SH3GL1: variants seen among roughly 807,000 people sequenced by gnomAD.
SH3GL1 encodes the protein endophilin-A2.
In SH3GL1, 21 loss-of-function variants were observed where a neutral mutation model predicts 48.8. The ratio of observed to expected loss-of-function variants is 0.43; its 90% CI spans 0.30 to 0.62. SH3GL1 has a LOEUF of 0.62. Among genes scored for constraint, SH3GL1 ranks in the 20% least tolerant of loss-of-function variants. The pLI is 0.11. For synonymous variants in SH3GL1, 282 were observed against 217.5 expected, an observed-to-expected ratio of 1.30 and a Z score of -2.61; for missense variants, 454 against 503.0, an observed-to-expected ratio of 0.90 and a Z score of 0.93.
chr19:4,368,371 G>A (rs1025093639), intron 1 of SH3GL1, among the ~76,000 whole-genome samples: 7 of 152,224 alleles, frequency 4.6e-5, no homozygotes, highest in Non-Finnish European at 1.0e-4. Flanking sequence ...AGAAGCTTGA[G>A]CCTGGGGCTC....
At chr19:4,368,204 G>A (rs552357760) in intron 1 of SH3GL1, among the ~76,000 whole-genome samples, 3 of 152,314 alleles carry the variant, frequency 2.0e-5, no homozygotes, top group Non-Finnish European at 2.9e-5. Flanking sequence ...TGCCTGCCCC[G>A]AGCTGTCACA....
chr19:4,364,899 T>TGTGTGTGTGTGA (rs1491100481), intron 4 of SH3GL1, among the ~76,000 whole-genome samples: 1 of 104,382 alleles, frequency 9.6e-6, no homozygotes, highest in Non-Finnish European at 2.0e-5. Flanking sequence ...TGTGTGTGTG[T>TGTGTGTGTGTGA]ATATATATAT....
Position 4,363,704 on chromosome 19 carries a change from A to G in SH3GL1, c.624+16T>C. 6.2e-7 allele frequency: 1 copy of G among 1,612,250 alleles called. No individual in the cohort carries two copies. Among genetic ancestry groups the G allele is most frequent in the African/African-American group, 1.3e-5 (1 of 74,962 alleles). On this transcript the variant is annotated intron_variant, in intron 6 of 9. Coordinates refer to ENST00000269886, the MANE Select transcript of SH3GL1 (RefSeq NM_003025.4). ...GGCATAGGTCTTCTCAGGATGTGACACCCCGAGCTACTCACGTCAGTCTCC... is the reference window on the plus strand; with the variant it reads ...GGCATAGGTCTTCTCAGGATGTGACGCCCCGAGCTACTCACGTCAGTCTCC...
At chr19:4,368,941 G>A (rs1036263737) in intron 1 of SH3GL1, among the ~76,000 whole-genome samples, 8 of 152,116 alleles carry the variant, frequency 5.3e-5, no homozygotes, top group Non-Finnish European at 8.8e-5. Flanking sequence ...GCCTGATGGC[G>A]GGTGCCTGTA....
intron 2 of SH3GL1, 33 bp from the exon 3 acceptor site, chr19:4,366,606 G>A: frequency 6.3e-7 from 1 of 1,585,168 alleles, no homozygotes; most frequent in South Asian, 1.1e-5. Context: ...AGACTCCACA[G>A]CCAGTGGGGG....
rs949707160 is a variant in SH3GL1 at position 4,361,044 on chromosome 19, GAGA to G, written c.*553_*555del. The stretch of plus-strand genomic sequence containing the variant: ...TGAGGCCCTCTGCCCTGGCCTTGAG[GAGA>G]AGGAGTGCGTGTGTGAGGCGGGGGT... On this transcript the variant is annotated 3_prime_UTR_variant, in exon 10 of 10. Transcript: ENST00000269886. The G allele has an allele frequency of 2.8e-4, 65 of 234,448 alleles. No individual in the cohort carries two copies. Among genetic ancestry groups the G allele is most frequent in the East Asian group, 1.2e-4 (2 of 16,576 alleles). The allele number at this position is 234,448 out of a possible 1,614,324, so 14.5% of individuals were successfully genotyped here.
chr19:4,393,769 G>C (rs934015452), intron 1 of SH3GL1, among the ~76,000 whole-genome samples: 1 of 151,968 alleles, frequency 6.6e-6, no homozygotes, highest in Non-Finnish European at 1.5e-5. Context: ...CAGCCTGGGC[G>C]ACAGAGCTAG....
intron 1 of SH3GL1, among the ~76,000 whole-genome samples, chr19:4,372,950 G>T (rs1340880630): frequency 6.6e-6 from 1 of 152,222 alleles, no homozygotes; most frequent in African/African-American, 2.4e-5. Flanking sequence ...CAGGGGCGGC[G>T]CTGGCTGCAG....
intron 1 of SH3GL1, among the ~76,000 whole-genome samples, chr19:4,386,798 G>C (rs1973243886): frequency 6.6e-6 from 1 of 152,160 alleles, no homozygotes; most frequent in South Asian, 2.1e-4. Context: ...AGACTGCAGA[G>C]GGCATGGCGG....
At chr19:4,391,296 TCAA>T (rs1973333733) in intron 1 of SH3GL1, among the ~76,000 whole-genome samples, 1 of 152,108 alleles carries the variant, frequency 6.6e-6, no homozygotes, top group South Asian at 2.1e-4. Flanking sequence ...CCCAATTTCT[TCAA>T]CTGAGCGGCA....
chr19:4,366,439 T>A, intron 3 of SH3GL1, 62 bp downstream of exon 3: 1 of 1,344,066 alleles, frequency 7.4e-7, no homozygotes, highest in East Asian at 2.4e-5. Flanking sequence ...ATCCCCTGCC[T>A]TCCCTCTGAC....
At chr19:4,384,742 A>T (rs1177001175) in intron 1 of SH3GL1, among the ~76,000 whole-genome samples, 1 of 152,248 alleles carries the variant, frequency 6.6e-6, no homozygotes, top group Non-Finnish European at 1.5e-5. Context: ...AGGGAAAGCC[A>T]CGCAGCTGCG....
intron 2 of SH3GL1, 123 bp from the exon 3 acceptor site, chr19:4,366,696 A>G: frequency 1.0e-6 from 1 of 984,988 alleles, no homozygotes; most frequent in Non-Finnish European, 1.6e-6. Flanking sequence ...CCCCCTCTCC[A>G]TGTCTTCAGC....
At chr19:4,366,292 G>C (rs763114910) in intron 3 of SH3GL1, among the ~76,000 whole-genome samples, 3 of 152,206 alleles carry the variant, frequency 2.0e-5, no homozygotes, top group Non-Finnish European at 4.4e-5. Flanking sequence ...GAACCAGTCG[G>C]CATGAGAGTG....
Position 4,367,011 on chromosome 19 carries a change from G to A in SH3GL1, c.46-17C>T, listed in dbSNP as rs1972796808. On this transcript the variant is annotated splice_polypyrimidine_tract_variant and intron_variant, in intron 1 of 9. Coordinates refer to ENST00000269886, the MANE Select transcript of SH3GL1 (RefSeq NM_003025.4). This position sits in a 1 kb window ranked among gnomAD's most constrained non-coding sequence, Gnocchi z 4.2. ...ACTGACCAGCTAGAGGACAGAAGAG[G>A]GGAAACGCTGTGAGCCCAGGGGTAG... 1.2e-6 allele frequency: 2 copies of A among 1,613,158 alleles called. No individual in the cohort carries two copies. The highest frequency in any genetic ancestry group is 1.7e-6 in the Non-Finnish European group (2 of 1,179,156).
In SH3GL1 at chr19:4,367,325, T is replaced by C. The variant is rs530983331; in HGVS notation, c.46-331A>G. Among the ~76,000 whole-genome samples, 2 of 152,206 alleles carry C rather than the reference T, an allele frequency of 1.3e-5. No individual in the cohort carries two copies. Among genetic ancestry groups the C allele is most frequent in the African/African-American group, 2.4e-5 (1 of 41,538 alleles). ...TCCAGAGCCTCAGCCTGAGAACACA[T>C]GGCTCAGAAGACACTGCTTCCAGAA... is the stretch of plus-strand genomic sequence containing the variant. On this transcript the variant is annotated intron_variant, in intron 1 of 9. Transcript: ENST00000269886. The surrounding 1 kb of genome is among the most constrained non-coding windows in gnomAD (Gnocchi z 4.2).
intron 2 of SH3GL1, 140 bp downstream of exon 2, chr19:4,366,786 C>T (rs185019750): frequency 4.1e-6 from 4 of 966,742 alleles, no homozygotes; most frequent in East Asian, 4.8e-5. Flanking sequence ...GAGGCCCCCA[C>T]ACCACCCCAT....
chr19:4,392,722 G>A (rs1018146369), intron 1 of SH3GL1, among the ~76,000 whole-genome samples: 17 of 151,952 alleles, frequency 1.1e-4, no homozygotes, highest in Admixed American at 4.6e-4. Flanking sequence ...CAAGGCGGGC[G>A]GATCACCTGA....
At position 4,362,667 on chromosome 19, in the gene SH3GL1, T is replaced by C; in HGVS notation, c.798A>G (p.Gly266=). 1 of 1,614,002 alleles carries C rather than the reference T, an allele frequency of 6.2e-7. No homozygotes were observed. The highest frequency in any genetic ancestry group is 8.5e-7 in the Non-Finnish European group (1 of 1,179,956). The change falls in exon 8 of 10, where the codon GGA becomes GGG. Residue 266 remains glycine, a synonymous_variant. Transcript: ENST00000269886. ...KPKPREPFDL[G]EPEQSNGGFP... is the part of the protein sequence containing the mutation. ...AGCCCCCGTTGGACTGCTCAGGCTC[T>C]CCAAGGTCAAAGGGCTCCCGGGGCT...
Sources: allele counts gnomAD v4.1 joint callset (sites outside exome capture counted in the v4.1 genomes callset), GRCh38; gene constraint gnomAD v4.1.1; non-coding constraint Gnocchi (gnomAD v3.1); transcripts MANE v1.5; gene names NCBI Gene and HGNC (gene_info 2026-07-23, HGNC 2026-07-21).